Variants in UBE2V2 observed in about 807,000 individuals in gnomAD.
UBE2V2 encodes ubiquitin-conjugating enzyme E2 variant 2.
In UBE2V2, 9 loss-of-function variants were observed where a neutral mutation model predicts 17.2. That is an observed-to-expected ratio of 0.52 (90% confidence interval 0.32 to 0.91). The LOEUF (loss-of-function observed/expected upper bound fraction) is 0.91, where lower values mean the gene tolerates loss of function less well. UBE2V2 is among the 40% of genes least tolerant of loss of function. The pLI is 0.04. For synonymous variants in UBE2V2, 61 were observed against 57.5 expected (o/e 1.06, Z -0.28); for missense variants, 133 against 182.6 (o/e 0.73, Z 1.56).
rs779965087 is a variant in UBE2V2 at position 48,021,077 on chromosome 8, G to GTT, written c.16+12623_16+12624dup. On this transcript the variant is annotated intron_variant, in intron 1 of 3. Transcript: ENST00000523111. ...GCTTTTTATGTTTTATCTATTATAG[G>GTT]TTTTTTTTTTTTTTTTTAAGATGGA... Among the ~76,000 whole-genome samples the GTT allele has an allele frequency of 1.3e-3, 175 of 136,694 alleles. 4 individuals are homozygous for GTT. The South Asian group carries it at 0.04, about 31-fold the overall frequency. 89.7% of individuals were successfully genotyped at this position (136,694 alleles called of 152,430 possible).
chr8:48,054,202 G>A (rs1385590317), intron 3 of UBE2V2, among the ~76,000 whole-genome samples: 1 of 152,162 alleles, frequency 6.6e-6, no homozygotes, highest in Non-Finnish European at 1.5e-5. Flanking sequence ...TCTTGTCAAG[G>A]AGCAATAGAA....
At chr8:48,012,348 A>T (rs757542483) in intron 1 of UBE2V2, among the ~76,000 whole-genome samples, 1 of 152,200 alleles carries the variant, frequency 6.6e-6, no homozygotes, top group Non-Finnish European at 1.5e-5. Context: ...GGGAATAGAA[A>T]TTTGATACTG....
At chr8:48,015,610 G>A (rs62542292) in intron 1 of UBE2V2, among the ~76,000 whole-genome samples, 3,464 of 152,034 alleles carry the variant, frequency 0.023, 49 homozygotes, top group Middle Eastern at 0.054. Context: ...CTGTAATTAC[G>A]TATCCTTTGT....
At chr8:48,031,133 T>A (rs543755590) in intron 1 of UBE2V2, among the ~76,000 whole-genome samples, 1 of 152,144 alleles carries the variant, frequency 6.6e-6, no homozygotes, top group African/African-American at 2.4e-5. Flanking sequence ...CACTTGAACC[T>A]GGGAGGCAGA....
intron 1 of UBE2V2, among the ~76,000 whole-genome samples, chr8:48,019,246 C>T (rs1484743651): frequency 6.6e-6 from 1 of 151,680 alleles, no homozygotes; most frequent in Non-Finnish European, 1.5e-5. Flanking sequence ...GCGCCTGTGA[C>T]CCCAGCTACT....
chr8:48,015,050 C>CAAA (rs1173137634), intron 1 of UBE2V2, among the ~76,000 whole-genome samples: 4 of 63,738 alleles, frequency 6.3e-5, no homozygotes, highest in Non-Finnish European at 6.3e-5. Context: ...ACTCCATCTC[C>CAAA]AAAAAAAAAA....
intron 1 of UBE2V2, among the ~76,000 whole-genome samples, chr8:48,019,417 A>G (rs2091290057): frequency 6.6e-6 from 1 of 152,036 alleles, no homozygotes; most frequent in Non-Finnish European, 1.5e-5. Context: ...AGTACCAGCT[A>G]CTCGGGAGGC....
intron 3 of UBE2V2, among the ~76,000 whole-genome samples, chr8:48,057,475 T>C (rs1234116510): frequency 2.0e-5 from 3 of 152,006 alleles, no homozygotes; most frequent in Non-Finnish European, 4.4e-5. Context: ...CTAATTTTTG[T>C]ATTTTTAGTA....
intron 2 of UBE2V2, among the ~76,000 whole-genome samples, chr8:48,046,121 T>C (rs1340675536): frequency 1.3e-5 from 2 of 151,888 alleles, no homozygotes; most frequent in East Asian, 3.9e-4. Context: ...TAATTTTGTA[T>C]TTTTATTTTT....
intron 1 of UBE2V2, among the ~76,000 whole-genome samples, chr8:48,021,304 C>CTTTTT (rs1169402032): frequency 2.4e-5 from 3 of 125,968 alleles, no homozygotes; most frequent in African/African-American, 6.0e-5. Flanking sequence ...GTCTCGAACC[C>CTTTTT]TTTTTTTTTT....
intron 1 of UBE2V2, among the ~76,000 whole-genome samples, chr8:48,024,936 A>ATTTTTT (rs199796045): frequency 7.2e-6 from 1 of 139,032 alleles, no homozygotes; most frequent in Admixed American, 7.3e-5. Context: ...TCCCTTACTG[A>ATTTTTT]TTTTTTTTTT....
rs554870211 is a variant in UBE2V2 at position 48,059,690 on chromosome 8, C to T, written c.292-992C>T. On this transcript the variant is annotated intron_variant, in intron 3 of 3. Coordinates refer to ENST00000523111, the MANE Select transcript of UBE2V2 (RefSeq NM_003350.3). ...CCTCCCAAAACGTTGGGATTACAGG[C>T]GTGAGCCACCGCATCCGGCCCACCT... Among the ~76,000 whole-genome samples, 87 of 152,178 alleles carry T rather than the reference C, an allele frequency of 5.7e-4. 1 individual carries two copies. The highest frequency in any genetic ancestry group is 1.1e-3 in the Non-Finnish European group (78 of 68,038).
intron 1 of UBE2V2, among the ~76,000 whole-genome samples, chr8:48,033,493 T>C (rs776350896): frequency 2.0e-5 from 3 of 152,034 alleles, no homozygotes; most frequent in Non-Finnish European, 4.4e-5. Context: ...GCTCATTCCT[T>C]GTTTTTTTAA....
At chr8:48,034,908 G>A (rs1474566260) in intron 1 of UBE2V2, 4 of 449,766 alleles carry the variant, frequency 8.9e-6, no homozygotes, top group African/African-American at 2.1e-5. Flanking sequence ...GGATAGGCTT[G>A]TTGCCCGGGA....
chr8:47,997,796 G>C, the UBE2V2 span, among the ~76,000 whole-genome samples: 2 of 151,906 alleles, frequency 1.3e-5, no homozygotes, highest in Non-Finnish European at 2.9e-5. Context: ...GAGGCGGGAT[G>C]GTTGGAGAGA....
At chr8:48,050,140 T>C in intron 3 of UBE2V2, 162 bp downstream of exon 3, 1 of 476,780 alleles carries the variant, frequency 2.1e-6, no homozygotes, top group Non-Finnish European at 3.4e-6. Context: ...GGTTGCATTA[T>C]GTTGTTTTTC....
At chr8:48,040,443 C>T (rs1429570541) in intron 1 of UBE2V2, among the ~76,000 whole-genome samples, 1 of 152,116 alleles carries the variant, frequency 6.6e-6, no homozygotes, top group Non-Finnish European at 1.5e-5. Context: ...TGTCATGCCT[C>T]TATTCTCTTT....
At chr8:48,048,151 C>T (rs2091511942) in intron 2 of UBE2V2, among the ~76,000 whole-genome samples, 1 of 152,106 alleles carries the variant, frequency 6.6e-6, no homozygotes, top group Admixed American at 6.6e-5. Context: ...TGCGCTTTCC[C>T]ACACCTGAGA....
intron 1 of UBE2V2, among the ~76,000 whole-genome samples, chr8:48,035,915 C>T (rs2091421461): frequency 6.7e-6 from 1 of 149,896 alleles, no homozygotes; most frequent in African/African-American, 2.4e-5. Context: ...AAGTTGTATA[C>T]CTTGTAATTA....
Sources: allele counts gnomAD v4.1 joint callset (sites outside exome capture counted in the v4.1 genomes callset), GRCh38; gene constraint gnomAD v4.1.1; transcripts MANE v1.5; gene names NCBI Gene and HGNC (gene_info 2026-07-23, HGNC 2026-07-21).